The following PCGF6 variants were observed in gnomAD, a reference collection of about 807,000 sequenced individuals.
PCGF6 encodes the protein polycomb group ring finger 6.
Under a neutral mutation model 45.5 loss-of-function variants are expected in PCGF6, and 24 were observed. The observed-to-expected ratio is 0.53, with a 90% CI of 0.38 to 0.74. PCGF6 has a LOEUF of 0.74. Among genes scored for constraint, PCGF6 ranks in the 30% least tolerant of loss-of-function variants. The pLI is 0.00. For missense variants in PCGF6, 356 were observed against 443.2 expected (o/e 0.80, Z 1.77); for synonymous variants, 152 against 162.1 (o/e 0.94, Z 0.47).
chr10:103,329,616 T>G (rs553438150), intron 7 of PCGF6, among the ~76,000 whole-genome samples: 1 of 152,114 alleles, frequency 6.6e-6, no homozygotes, highest in East Asian at 1.9e-4. Context: ...TAGCTGGGAC[T>G]ACAGGCGTGA....
At chr10:103,342,467 C>G (rs144817957) in intron 6 of PCGF6, among the ~76,000 whole-genome samples, 1 of 152,114 alleles carries the variant, frequency 6.6e-6, no homozygotes, top group Non-Finnish European at 1.5e-5. Flanking sequence ...CTCCTGACCT[C>G]GGGTAATCTG....
rs1053831937 is a variant in PCGF6 at position 103,347,231 on chromosome 10, A to G, written c.673+7T>C. The G allele has an allele frequency of 6.3e-7, 1 of 1,598,046 alleles. No individual in the cohort carries two copies. The highest frequency in any genetic ancestry group is 1.3e-5 in the African/African-American group (1 of 74,550). Reference sequence around the variant, plus strand: ...GTAAGTACATTATAGTATACACCCAAACTTACCAGGTTTAGGTACTTCTAG... The same window carrying G: ...GTAAGTACATTATAGTATACACCCAGACTTACCAGGTTTAGGTACTTCTAG... On this transcript the variant is annotated splice_region_variant and intron_variant, in intron 5 of 9. Transcript: ENST00000369847.
At chr10:103,346,512 T>C (rs75435276) in intron 5 of PCGF6, among the ~76,000 whole-genome samples, 1 of 151,938 alleles carries the variant, frequency 6.6e-6, no homozygotes, top group South Asian at 2.1e-4. Flanking sequence ...TAGCCCCAGC[T>C]ACTCAGGAGG....
At chr10:103,331,049 T>A (rs1198006861) in intron 7 of PCGF6, among the ~76,000 whole-genome samples, 1 of 152,208 alleles carries the variant, frequency 6.6e-6, no homozygotes, top group African/African-American at 2.4e-5. Context: ...TCTGCACATT[T>A]CAGATAAATG....
intron 7 of PCGF6, among the ~76,000 whole-genome samples, chr10:103,333,557 T>C (rs2093247302): frequency 6.6e-6 from 1 of 152,262 alleles, no homozygotes; most frequent in East Asian, 1.9e-4. Flanking sequence ...AAAACTTCAG[T>C]GAATAATTGA....
chr10:103,348,084 A>G (rs1257607090), intron 3 of PCGF6, among the ~76,000 whole-genome samples: 1 of 152,170 alleles, frequency 6.6e-6, no homozygotes, highest in Non-Finnish European at 1.5e-5. Flanking sequence ...GGGCTTTACT[A>G]AAGAGGCCAG....
intron 4 of PCGF6, 33 bp from the exon 5 acceptor site, chr10:103,347,330 C>G: frequency 6.3e-7 from 1 of 1,590,434 alleles, no homozygotes. Context: ...CTAAATTACA[C>G]TTAAAATGTA....
chr10:103,316,025 G>T (rs1326973425), intron 8 of PCGF6, among the ~76,000 whole-genome samples: 7 of 151,222 alleles, frequency 4.6e-5, no homozygotes, highest in African/African-American at 1.7e-4. Flanking sequence ...GAGAGAGAGA[G>T]AGAGAGAGAG....
chr10:103,344,243 TG>T, intron 6 of PCGF6, among the ~76,000 whole-genome samples: 1 of 148,008 alleles, frequency 6.8e-6, no homozygotes, highest in East Asian at 2.0e-4. Context: ...GGCAACCACA[TG>T]AAAAAAAAAG....
chr10:103,328,734 C>G (rs1187990882), intron 7 of PCGF6, among the ~76,000 whole-genome samples: 1 of 152,026 alleles, frequency 6.6e-6, no homozygotes, highest in Non-Finnish European at 1.5e-5. Context: ...TCTTTATGTA[C>G]AGGATTTTAA....
intron 8 of PCGF6, among the ~76,000 whole-genome samples, chr10:103,316,007 TATATATAGAG>T (rs1176097946): frequency 1.3e-4 from 17 of 128,088 alleles, no homozygotes; most frequent in Middle Eastern, 3.8e-3. Context: ...TATATATATA[TATATATAGAG>T]AGAGAGAGAG....
chr10:103,323,577 G>T (rs2093205650), intron 8 of PCGF6, among the ~76,000 whole-genome samples: 1 of 151,048 alleles, frequency 6.6e-6, no homozygotes, highest in African/African-American at 2.4e-5. Context: ...TTACAGGTGT[G>T]AGCCACCGCG....
At chr10:103,310,159 C>A (rs1459639702) in intron 9 of PCGF6, among the ~76,000 whole-genome samples, 2 of 151,736 alleles carry the variant, frequency 1.3e-5, no homozygotes, top group African/African-American at 4.8e-5. Context: ...ACCATGTTAG[C>A]CAGGCTGGTC....
chr10:103,307,913 T>C (rs1239630548), intron 9 of PCGF6, among the ~76,000 whole-genome samples: 1 of 152,246 alleles, frequency 6.6e-6, no homozygotes, highest in Non-Finnish European at 1.5e-5. Flanking sequence ...GAAATCTTTA[T>C]TGAATTTTTA....
chr10:103,313,888 T>C (rs375765869), intron 9 of PCGF6, among the ~76,000 whole-genome samples: 1 of 152,224 alleles, frequency 6.6e-6, no homozygotes, highest in Non-Finnish European at 1.5e-5. Context: ...TCTCACCCAC[T>C]GACTGTAGGA....
intron 6 of PCGF6, among the ~76,000 whole-genome samples, chr10:103,344,440 T>C (rs2133597126): frequency 6.6e-6 from 1 of 151,086 alleles, no homozygotes. Flanking sequence ...CCTGGATAAT[T>C]TTTGTATTTT....
In PCGF6 at chr10:103,312,909, C is replaced by T. The variant is rs568977685; in HGVS notation, c.996+1277G>A. ...CCGGGAGGCGGAGCTTGCAGTGAGCCGAGATCACGCCACTGCACTCCAGCC... is the reference window on the plus strand; with the variant it reads ...CCGGGAGGCGGAGCTTGCAGTGAGCTGAGATCACGCCACTGCACTCCAGCC... On this transcript the variant is annotated intron_variant, in intron 9 of 9. Transcript: ENST00000369847. Among the ~76,000 whole-genome samples the T allele has an allele frequency of 5.3e-5, 8 of 152,028 alleles. No homozygotes were observed. In the South Asian group the frequency reaches 1.2e-3, roughly 24 times the overall value.
intron 9 of PCGF6, among the ~76,000 whole-genome samples, 176 bp downstream of exon 9, chr10:103,314,010 T>C (rs752611111): frequency 6.6e-6 from 1 of 152,196 alleles, no homozygotes; most frequent in Non-Finnish European, 1.5e-5. Flanking sequence ...TCTACATAAA[T>C]TACTTAGAAC....
chr10:103,326,707 G>T, intron 7 of PCGF6, 75 bp from the exon 8 acceptor site: 1 of 1,040,966 alleles, frequency 9.6e-7, no homozygotes, highest in Non-Finnish European at 1.4e-6. Context: ...GTATATATAT[G>T]TAATGTGTAA....
Sources: gnomAD v4.1 joint callset for allele counts (sites outside exome capture counted in the v4.1 genomes callset) on GRCh38, gnomAD v4.1.1 for gene constraint, MANE v1.5 for transcripts, NCBI Gene and HGNC (gene_info 2026-07-23, HGNC 2026-07-21) for gene names.